SCD5: variants seen among roughly 807,000 people sequenced by gnomAD.
SCD5 encodes the protein acyl-CoA-desaturase 4.
Under a neutral mutation model 30.4 loss-of-function variants are expected in SCD5, and 20 were observed. The observed-to-expected ratio is 0.66, with a 90% CI of 0.46 to 0.96. SCD5 has a LOEUF of 0.96. Among genes scored for constraint, SCD5 ranks in the 40% least tolerant of loss-of-function variants. The pLI, the probability that SCD5 is intolerant of heterozygous loss-of-function variation, is 0.00. For missense variants in SCD5, 381 were observed against 443.3 expected, an observed-to-expected ratio of 0.86 and a Z score of 1.26; for synonymous variants, 173 against 176.4, an observed-to-expected ratio of 0.98 and a Z score of 0.16.
At chr4:82,643,979 TCTTA>T (rs1351938525) in intron 3 of SCD5, among the ~76,000 whole-genome samples, 4 of 152,200 alleles carry the variant, frequency 2.6e-5, no homozygotes, top group Non-Finnish European at 5.9e-5. Flanking sequence ...ATCCCTGGTG[TCTTA>T]CTTTGAGATG....
At chr4:82,742,691 G>A (rs567756675) in intron 1 of SCD5, among the ~76,000 whole-genome samples, 1 of 152,316 alleles carries the variant, frequency 6.6e-6, no homozygotes, top group African/African-American at 2.4e-5. Context: ...GGTGGCTGAG[G>A]CATGAGAATC....
At chr4:82,669,042 A>G (rs1728249571) in intron 3 of SCD5, among the ~76,000 whole-genome samples, 2 of 152,202 alleles carry the variant, frequency 1.3e-5, no homozygotes, top group Non-Finnish European at 1.5e-5. Context: ...ACTGAGAACA[A>G]AAAGAGACTC....
chr4:82,667,292 G>A (rs188651059), intron 3 of SCD5, among the ~76,000 whole-genome samples: 51 of 151,704 alleles, frequency 3.4e-4, no homozygotes, highest in Admixed American at 7.2e-4. Flanking sequence ...ACACACGCAC[G>A]CACGCACGCA....
intron 3 of SCD5, among the ~76,000 whole-genome samples, chr4:82,646,278 G>A (rs540379973): frequency 1.3e-3 from 196 of 152,288 alleles, no homozygotes; most frequent in Non-Finnish European, 1.9e-3. Flanking sequence ...TGGATGCTTA[G>A]TAAACACTTA....
chr4:82,731,053 C>T (rs377538359), intron 1 of SCD5, among the ~76,000 whole-genome samples: 19 of 152,262 alleles, frequency 1.2e-4, no homozygotes, highest in Admixed American at 3.3e-4. Flanking sequence ...ATGTACCACC[C>T]CATTATGATA....
At chr4:82,666,907 T>C (rs1046333509) in intron 3 of SCD5, among the ~76,000 whole-genome samples, 2 of 152,156 alleles carry the variant, frequency 1.3e-5, no homozygotes, top group African/African-American at 4.8e-5. Flanking sequence ...AGACAATGTG[T>C]GTAAAGACAT....
intron 1 of SCD5, among the ~76,000 whole-genome samples, chr4:82,772,898 T>C (rs143202215): frequency 2.0e-5 from 3 of 152,292 alleles, no homozygotes; most frequent in Admixed American, 1.3e-4. Context: ...TCAGTAATTA[T>C]ATGGGTTATG....
chr4:82,781,033 G>A (rs927437177), intron 1 of SCD5, among the ~76,000 whole-genome samples: 9 of 152,220 alleles, frequency 5.9e-5, no homozygotes, highest in Non-Finnish European at 1.3e-4. Context: ...GGAGAGAAAC[G>A]CAGCAGGGCC....
At chr4:82,707,169 T>G (rs1719988027) in intron 1 of SCD5, among the ~76,000 whole-genome samples, 1 of 152,236 alleles carries the variant, frequency 6.6e-6, no homozygotes, top group African/African-American at 2.4e-5. Flanking sequence ...CTTGTGACTT[T>G]GAGGAGATAA....
chr4:82,648,352 C>T lies in SCD5; in HGVS notation c.570-11529G>A, dbSNP rs190572468. ...AGTCCCAAGGCAGGAGGCCCACACA[C>T]GCAGGTGTGAAGAGGGTGTGTTGGG... On this transcript the variant is annotated intron_variant, in intron 3 of 4. Coordinates refer to ENST00000319540, the MANE Select transcript of SCD5 (RefSeq NM_001037582.3). Among the ~76,000 whole-genome samples the T allele has an allele frequency of 2.2e-3, 330 of 152,320 alleles. 3 individuals carry two copies. Among genetic ancestry groups the T allele is most frequent in the African/African-American group, 7.7e-3 (321 of 41,574 alleles).
chr4:82,734,096 GATAACACAGCAAAA>G (rs765419326), intron 1 of SCD5, among the ~76,000 whole-genome samples: 3 of 152,210 alleles, frequency 2.0e-5, no homozygotes, highest in Non-Finnish European at 4.4e-5. Context: ...GTTAGAGGTA[GATAACACAGCAAAA>G]ATAACCATCA....
At chr4:82,647,069 C>T (rs1251089888) in intron 3 of SCD5, among the ~76,000 whole-genome samples, 2 of 152,226 alleles carry the variant, frequency 1.3e-5, no homozygotes, top group Non-Finnish European at 1.5e-5. Context: ...TAGTGATCCA[C>T]CCATCTTGGC....
At chr4:82,663,564 G>T (rs11947465) in intron 3 of SCD5, among the ~76,000 whole-genome samples, 50,980 of 152,010 alleles carry the variant, frequency 0.34, 9,292 homozygotes, top group African/African-American at 0.48. Context: ...GAGGTTGCAA[G>T]TTTTTGAATT....
rs70964800 is a variant in SCD5 at position 82,664,999 on chromosome 4, C to CTATATA, written c.569+15702_569+15707dup. The stretch of plus-strand genomic sequence containing the variant: ...TCTCTCTCTCTCTCTCTCTCTCTCT[C>CTATATA]TATATATATATATATATATATGTAT... On this transcript the variant is annotated intron_variant, in intron 3 of 4. Transcript: ENST00000319540. Among the ~76,000 whole-genome samples the CTATATA allele has an allele frequency of 9.9e-3, 696 of 70,392 alleles. 16 individuals carry two copies. The highest frequency in any genetic ancestry group is 0.024 in the African/African-American group (319 of 13,324). 46.2% of individuals were successfully genotyped at this position (70,392 alleles called of 152,430 possible). A position where few individuals can be genotyped will look rare whatever the true frequency, so the allele number is the denominator to read the frequency against.
At chr4:82,687,173 GA>G (rs58937590) in intron 2 of SCD5, among the ~76,000 whole-genome samples, 88,598 of 108,336 alleles carry the variant, frequency 0.82, 35,838 homozygotes, top group East Asian at 0.96. Flanking sequence ...CTTGTTACAA[GA>G]AAAAAAAAAA....
intron 2 of SCD5, among the ~76,000 whole-genome samples, chr4:82,682,660 G>GT (rs1250694998): frequency 5.3e-5 from 8 of 152,088 alleles, no homozygotes; most frequent in Non-Finnish European, 8.8e-5. Flanking sequence ...GTTTTTGTTT[G>GT]TTTTTTGAGA....
chr4:82,748,576 T>C (rs566429062), intron 1 of SCD5, among the ~76,000 whole-genome samples: 1 of 152,296 alleles, frequency 6.6e-6, no homozygotes, highest in East Asian at 1.9e-4. Flanking sequence ...GGCAAAAAAG[T>C]TGCAAAGCAT....
intron 1 of SCD5, among the ~76,000 whole-genome samples, chr4:82,723,643 A>G (rs1045630341): frequency 6.6e-6 from 1 of 152,226 alleles, no homozygotes; most frequent in Non-Finnish European, 1.5e-5. Flanking sequence ...CTGATGATGA[A>G]TAGGAAGCAC....
At chr4:82,751,795 T>G (rs1721108352) in intron 1 of SCD5, among the ~76,000 whole-genome samples, 1 of 152,142 alleles carries the variant, frequency 6.6e-6, no homozygotes, top group African/African-American at 2.4e-5. Flanking sequence ...CCAAGCTGAT[T>G]TTTGTATTTT....
Sources: gnomAD v4.1 joint callset for allele counts (sites outside exome capture counted in the v4.1 genomes callset) on GRCh38, gnomAD v4.1.1 for gene constraint, MANE v1.5 for transcripts, NCBI Gene and HGNC (gene_info 2026-07-23, HGNC 2026-07-21) for gene names.